NBPF19: variants seen among roughly 807,000 people sequenced by gnomAD.
NBPF19 encodes the protein NBPF member 19.
In NBPF19, 30 loss-of-function variants were observed where a neutral mutation model predicts 45.9. That is an observed-to-expected ratio of 0.65 (90% confidence interval 0.49 to 0.89). The LOEUF (loss-of-function observed/expected upper bound fraction) is 0.89, where lower values mean the gene tolerates loss of function less well. NBPF19 is among the 40% of genes least tolerant of loss of function. NBPF19 has a pLI of 0.00. For missense variants in NBPF19, 495 were observed against 471.8 expected, an observed-to-expected ratio of 1.05 and a Z score of -0.46; for synonymous variants, 183 against 181.2, an observed-to-expected ratio of 1.01 and a Z score of -0.08.
In NBPF19 at chr1:149,475,472, A is replaced by G. The variant is rs1370819242; in HGVS notation, c.-359A>G. ...AGACATGGGTCTGTGGCATTGTCAC[A>G]AGGGTACACGAATACTGAGAGTGAA... On this transcript the variant is annotated 5_prime_UTR_variant, in exon 1 of 94. Coordinates refer to ENST00000651566, the MANE Select transcript of NBPF19 (RefSeq NM_001351365.2). Among the ~76,000 whole-genome samples the G allele has an allele frequency of 2.6e-5, 4 of 151,152 alleles. No homozygotes were observed. The highest frequency in any genetic ancestry group is 9.7e-5 in the African/African-American group (4 of 41,030).
In NBPF19 at chr1:149,554,514, G is replaced by T. The variant is rs1370490544; in HGVS notation, c.11308G>T (p.Glu3770Ter). Residue 3770 changes from glutamate (E) to a stop codon, truncating the protein, a stop_gained, in exon 94 of 94, where the codon GAA becomes TAA. Coordinates refer to ENST00000651566, the MANE Select transcript of NBPF19 (RefSeq NM_001351365.2). LOFTEE classifies it low-confidence loss of function (END_TRUNC). ...PCPRLNSVLM[E>*]VEEPEVLQDS... The stretch of plus-strand genomic sequence containing the variant: ...TTCCAGGCTCAACAGCGTGCTGATG[G>T]AAGTGGAAGAGCCTGAAGTCTTACA... The T allele has an allele frequency of 8.7e-6, 14 of 1,608,066 alleles. No homozygotes were observed. The highest frequency in any genetic ancestry group is 1.1e-5 in the Non-Finnish European group (13 of 1,176,708).
intron 5 of NBPF19, among the ~76,000 whole-genome samples, chr1:149,480,429 T>A (rs1214837890): frequency 6.8e-6 from 1 of 146,726 alleles, no homozygotes; most frequent in African/African-American, 2.5e-5. Flanking sequence ...GATAGCTGAG[T>A]CTTCATCCTC....
chr1:149,479,579 T>G lies in NBPF19; in HGVS notation c.493+485T>G, dbSNP rs1327304605. Among the ~76,000 whole-genome samples the G allele has an allele frequency of 1.8e-4, 27 of 147,832 alleles. 1 individual carries two copies. The highest frequency in any genetic ancestry group is 6.7e-4 in the African/African-American group (27 of 40,152). ...GAACACTTACGAATGCTTTTCAAAATGAGATGAAGCCCCTCTCCATGTGGT... is the reference window on the plus strand; with the variant it reads ...GAACACTTACGAATGCTTTTCAAAAGGAGATGAAGCCCCTCTCCATGTGGT... On this transcript the variant is annotated intron_variant, in intron 4 of 93. Coordinates refer to ENST00000651566, the MANE Select transcript of NBPF19 (RefSeq NM_001351365.2).
chr1:149,554,895 C>A lies in NBPF19; in HGVS notation c.*157C>A. On this transcript the variant is annotated 3_prime_UTR_variant, in exon 94 of 94. Transcript: ENST00000651566. ...ATTCTCAAACCATGCCAGTGGCAAC[C>A]TGTGCTCAGTCTGAAGACAATGGAC... 2 of 1,382,390 alleles carry A rather than the reference C, an allele frequency of 1.4e-6. No individual in the cohort carries two copies. The highest frequency in any genetic ancestry group is 2.3e-5 in the East Asian group (1 of 43,474). The allele number at this position is 1,382,390 out of a possible 1,614,324, so 85.6% of individuals were successfully genotyped here. A position where few individuals can be genotyped will look rare whatever the true frequency, so the allele number is the denominator to read the frequency against.
chr1:149,487,235 A>G (rs1333177512), intron 8 of NBPF19, 97 bp from the exon 9 acceptor site: 7 of 843,928 alleles, frequency 8.3e-6, no homozygotes, highest in East Asian at 7.2e-5. Flanking sequence ...TCTCACACTG[A>G]CAAGACTGAT....
chr1:149,478,628 C>T (rs2084990725), intron 3 of NBPF19, among the ~76,000 whole-genome samples: 1 of 150,954 alleles, frequency 6.6e-6, no homozygotes, highest in Non-Finnish European at 1.5e-5. Flanking sequence ...AGGAAGACAC[C>T]TACTTTTGTT....
Position 149,526,988 on chromosome 1 carries a change from G to GAAGACC in NBPF19, c.7103_7108dup (p.Gln2368_Asp2369dup). 1 of 105,244 alleles carries GAAGACC rather than the reference G, an allele frequency of 9.5e-6. No individual in the cohort carries two copies. 6.5% of individuals were successfully genotyped at this position (105,244 alleles called of 1,614,324 possible). A position where few individuals can be genotyped will look rare whatever the true frequency, so the allele number is the denominator to read the frequency against. ...AATTGAAAAGTACCAAGAAGTGGAA[G>GAAGACC]AAGACCAAGACCCATCATGCCCCAG... On this transcript the variant is annotated inframe_insertion, in exon 59 of 94. Coordinates refer to ENST00000651566, the MANE Select transcript of NBPF19 (RefSeq NM_001351365.2).
chr1:149,487,954 G>A (rs1252657026), intron 9 of NBPF19, 59 bp from the exon 10 acceptor site: 7 of 700,058 alleles, frequency 1.0e-5, no homozygotes, highest in African/African-American at 1.8e-5. Context: ...AAATCTAGCT[G>A]GGGCTGTGTG....
At chr1:149,509,981 T>TCC (rs2086198021) in intron 37 of NBPF19, among the ~76,000 whole-genome samples, 198 bp from the exon 38 acceptor site, 1 of 58,540 alleles carries the variant, frequency 1.7e-5, no homozygotes, top group Non-Finnish European at 3.3e-5. Flanking sequence ...TGTGTGTGTG[T>TCC]CCATCTGTCT....
At chr1:149,478,742 A>T in intron 3 of NBPF19, 138 bp from the exon 4 acceptor site, 1 of 1,019,008 alleles carries the variant, frequency 9.8e-7, no homozygotes, top group Non-Finnish European at 1.5e-6. Context: ...TCTTGGCCAC[A>T]GTCATTCCTT....
Position 149,478,031 on chromosome 1 carries a change from C to A in NBPF19, c.262C>A (p.Gln88Lys). The stretch of plus-strand genomic sequence containing the variant: ...GGAGAAGCTTGCAGAGCAGCTGAAG[C>A]AAGCTGAGGAGCTCAGGTGAGGGGA... ...KEEKLAEQLK[Q>K]AEELRQYKVL... Residue 88 changes from glutamine (Q) to lysine (K), a missense_variant, in exon 3 of 94, where the codon CAA (glutamine) becomes AAA (lysine). Physicochemically the swap from Gln to Lys is moderately conservative, Grantham distance 53. This residue lies in a region of NBPF19 where 69 missense variants were observed against 87.8 expected (regional missense o/e 0.79). Transcript: ENST00000651566. 1 of 1,565,058 alleles carries A rather than the reference C, an allele frequency of 6.4e-7. No homozygotes were observed. Among genetic ancestry groups the A allele is most frequent in the Admixed American group, 1.7e-5 (1 of 59,826 alleles).
rs1309710970 is a variant in NBPF19, at chr1:149,556,217, G to A, written c.*1479G>A. 1 of 147,422 alleles carries A rather than the reference G, an allele frequency of 6.8e-6. No homozygotes were observed. Among genetic ancestry groups the A allele is most frequent in the Non-Finnish European group, 1.5e-5 (1 of 66,460 alleles). 9.1% of individuals were successfully genotyped at this position (147,422 alleles called of 1,614,324 possible). On this transcript the variant is annotated 3_prime_UTR_variant, in exon 94 of 94. Coordinates refer to ENST00000651566, the MANE Select transcript of NBPF19 (RefSeq NM_001351365.2). ...GCCTGAGTTTTAATTTTTGTCCAAA[G>A]TTAATTTTAATCTATACAATTAAAA...
chr1:149,477,745 CTTTCTT>C (rs1291234867), intron 2 of NBPF19, among the ~76,000 whole-genome samples, 194 bp from the exon 3 acceptor site: 2 of 151,226 alleles, frequency 1.3e-5, no homozygotes, highest in Non-Finnish European at 3.0e-5. Context: ...TTGAGTTTCT[CTTTCTT>C]CGTCTTTAAA....
intron 9 of NBPF19, among the ~76,000 whole-genome samples, chr1:149,487,801 G>A (rs1255388227): frequency 1.3e-5 from 2 of 149,006 alleles, no homozygotes. Flanking sequence ...GTGTGTGTGT[G>A]TGTGTGTGTG....
chr1:149,490,921 C>CAT (rs1310868264), intron 13 of NBPF19, among the ~76,000 whole-genome samples: 72 of 125,964 alleles, frequency 5.7e-4, no homozygotes, highest in African/African-American at 2.2e-3. Context: ...TGTGTGTGTG[C>CAT]GTGTGTGTGT....
At chr1:149,554,407 A>T (rs1232119535) in intron 93 of NBPF19, 88 bp from the exon 94 acceptor site, 5 of 1,603,054 alleles carry the variant, frequency 3.1e-6, no homozygotes, top group African/African-American at 2.7e-5. Context: ...TTTTCTAACC[A>T]CTTCCTTATG....
chr1:149,554,799 A>G lies in NBPF19; in HGVS notation c.*61A>G. On this transcript the variant is annotated 3_prime_UTR_variant, in exon 94 of 94. Transcript: ENST00000651566. ...AGGCAGGACCTATAGGCACGTGAAG[A>G]TTTGAATGAAACTACAGTTCCATTT... 3.1e-6 allele frequency: 5 copies of G among 1,604,350 alleles called. 1 individual carries two copies. The highest frequency in any genetic ancestry group is 4.3e-6 in the Non-Finnish European group (5 of 1,173,820).
rs1454439981 is a variant in NBPF19 at position 149,487,885 on chromosome 1, G to C, written c.1041-128G>C. The stretch of plus-strand genomic sequence containing the variant: ...TATCCCAACATAAAGGCAATAATTT[G>C]TTACCTCACTAATGGATCTCTCCTT... On this transcript the variant is annotated intron_variant, in intron 9 of 93. Transcript: ENST00000651566. 6.3e-4 allele frequency: 431 copies of C among 689,270 alleles called. 11 individuals are homozygous for C. The highest frequency in any genetic ancestry group is 5.8e-3 in the South Asian group (395 of 68,122). The allele number at this position is 689,270 out of a possible 1,614,324, so 42.7% of individuals were successfully genotyped here.
At chr1:149,476,738 T>C (rs1258113131) in intron 2 of NBPF19, among the ~76,000 whole-genome samples, 735 of 145,156 alleles carry the variant, frequency 5.1e-3, no homozygotes, top group African/African-American at 0.018. Flanking sequence ...AGTTTGAGAC[T>C]AGCCTGGGCA....
Sources: allele counts gnomAD v4.1 joint callset (sites outside exome capture counted in the v4.1 genomes callset), GRCh38; gene constraint gnomAD v4.1.1; regional missense constraint gnomAD v4.1.1; transcripts MANE v1.5; gene names NCBI Gene and HGNC (gene_info 2026-07-23, HGNC 2026-07-21).